The following TRA2B variants were observed in gnomAD, a reference collection of about 807,000 sequenced individuals.
The protein encoded by TRA2B is transformer 2 beta homolog.
TRA2B carries 14 observed loss-of-function variants against 41.7 expected under a neutral mutation model. The observed-to-expected ratio is 0.34, with a 90% CI of 0.22 to 0.53. The LOEUF (loss-of-function observed/expected upper bound fraction) is 0.53, where lower values mean the gene tolerates loss of function less well. Ranked by LOEUF, TRA2B falls within the 20% of genes least tolerant of loss-of-function variation. TRA2B has a pLI of 0.95. For missense variants in TRA2B, 167 were observed against 396.8 expected (o/e 0.42, Z 4.92); for synonymous variants, 130 against 128.8 (o/e 1.01, Z -0.06).
chr3:185,928,114 G>A (rs1386824190), intron 1 of TRA2B: 1 of 152,186 alleles, frequency 6.6e-6, no homozygotes, highest in Non-Finnish European at 1.5e-5. Context: ...CTAAATTACA[G>A]CTCAAAACAC....
chr3:185,934,712 T>TA (rs781586844), intron 1 of TRA2B: 41 of 985,090 alleles, frequency 4.2e-5, no homozygotes, highest in Non-Finnish European at 4.5e-5. Context: ...GTTTAGGAGC[T>TA]AAAACCAAGG....
intron 1 of TRA2B, chr3:185,936,255 A>C: frequency 1.0e-6 from 1 of 985,412 alleles, no homozygotes; most frequent in Non-Finnish European, 1.2e-6. Flanking sequence ...TCCAAACACC[A>C]ATGACTGTTA....
At position 185,916,671 on chromosome 3, in the gene TRA2B, T is replaced by G. The variant is rs766758300; in HGVS notation, c.*1044A>C. 6.6e-6 allele frequency: 1 copy of G among 152,530 alleles called. No homozygotes were observed. Among genetic ancestry groups the G allele is most frequent in the Non-Finnish European group, 1.5e-5 (1 of 68,004 alleles). The allele number at this position is 152,530 out of a possible 1,614,324, so 9.4% of individuals were successfully genotyped here. A position where few individuals can be genotyped will look rare whatever the true frequency, so the allele number is the denominator to read the frequency against. On this transcript the variant is annotated 3_prime_UTR_variant, in exon 9 of 9. Coordinates refer to ENST00000453386, the MANE Select transcript of TRA2B (RefSeq NM_004593.3). The stretch of plus-strand genomic sequence containing the variant: ...CCTCAGCCCAAGGAACACACTGCCC[T>G]AACGATTAAACTACAGAAGAACTCT...
At chr3:185,930,155 C>T (rs965884010) in intron 1 of TRA2B, among the ~76,000 whole-genome samples, 1 of 152,198 alleles carries the variant, frequency 6.6e-6, no homozygotes, top group Non-Finnish European at 1.5e-5. Flanking sequence ...TTCCAAATTG[C>T]TTTCTTTCCT....
chr3:185,926,629 A>G lies in TRA2B; in HGVS notation c.142T>C (p.Ser48Pro). 6.2e-7 allele frequency: 1 copy of G among 1,614,156 alleles called. No individual in the cohort carries two copies. The highest frequency in any genetic ancestry group is 8.5e-7 in the Non-Finnish European group (1 of 1,179,998). The part of the protein sequence containing the change: ...RSKEDSRRSR[S>P]KSRSRSESRS... Reference sequence around the variant, plus strand: ...GATTCAGATCGGGACCTGGACTTTGATCTGGAACGCCTGGAATCTTCCTTG... The same window carrying G: ...GATTCAGATCGGGACCTGGACTTTGGTCTGGAACGCCTGGAATCTTCCTTG... The change falls in exon 2 of 9, where the codon TCA becomes CCA. Residue 48 changes from serine (S) to proline (P), a missense_variant. Around this residue, in one of 5 missense-constraint regions of TRA2B, gnomAD observed 94 missense variants for 133.4 expected, o/e 0.70. Coordinates refer to ENST00000453386, the MANE Select transcript of TRA2B (RefSeq NM_004593.3).
At chr3:185,932,064 G>C (rs1291793926) in intron 1 of TRA2B, among the ~76,000 whole-genome samples, 4 of 151,950 alleles carry the variant, frequency 2.6e-5, no homozygotes, top group South Asian at 2.1e-4. Flanking sequence ...ACTCCAAATA[G>C]ACTTATCATG....
At chr3:185,936,298 C>G in intron 1 of TRA2B, 1 of 985,306 alleles carries the variant, frequency 1.0e-6, no homozygotes, top group Non-Finnish European at 1.2e-6. Context: ...TCAGAAGTCA[C>G]GACTTTTTAA....
intron 1 of TRA2B, chr3:185,927,908 G>C (rs1022325835): frequency 2.6e-5 from 4 of 152,222 alleles, no homozygotes; most frequent in African/African-American, 9.6e-5. Context: ...ATCAAACTTA[G>C]ACAAAGTAAA....
intron 6 of TRA2B, among the ~76,000 whole-genome samples, chr3:185,920,084 CTA>C (rs901174722): frequency 6.6e-6 from 1 of 152,124 alleles, no homozygotes; most frequent in African/African-American, 2.4e-5. Context: ...TATTTTTAAA[CTA>C]TGATTGACAT....
chr3:185,919,913 T>C (rs1043563159), intron 6 of TRA2B, among the ~76,000 whole-genome samples: 3 of 152,180 alleles, frequency 2.0e-5, no homozygotes, highest in Non-Finnish European at 4.4e-5. Context: ...ATGCACAAAA[T>C]AGACATCCAT....
chr3:185,935,290 CCTG>C (rs1467275725), intron 1 of TRA2B: 1 of 985,222 alleles, frequency 1.0e-6, no homozygotes, highest in Admixed American at 6.2e-5. Flanking sequence ...TCAGGTTAAG[CCTG>C]CTAATTAGAC....
intron 8 of TRA2B, 56 bp from the exon 9 acceptor site, chr3:185,917,781 A>G: frequency 1.9e-6 from 3 of 1,564,380 alleles, no homozygotes; most frequent in Non-Finnish European, 2.6e-6. Context: ...TATCAAGTAT[A>G]CTTTAATGCC....
chr3:185,926,763 G>C, intron 1 of TRA2B, 29 bp from the exon 2 acceptor site: 1 of 1,611,746 alleles, frequency 6.2e-7, no homozygotes, highest in Non-Finnish European at 8.5e-7. Context: ...AGTTTAATTT[G>C]CACACTTTCT....
intron 1 of TRA2B, among the ~76,000 whole-genome samples, chr3:185,932,788 A>G (rs373646699): frequency 6.6e-6 from 1 of 152,056 alleles, no homozygotes; most frequent in African/African-American, 2.4e-5. Context: ...GTTATCCTAC[A>G]TTTCACTTTG....
intron 1 of TRA2B, 63 bp from the exon 2 acceptor site, chr3:185,926,797 C>G: frequency 6.3e-7 from 1 of 1,584,824 alleles, no homozygotes; most frequent in Admixed American, 1.8e-5. Context: ...AACAAATAAG[C>G]TGCTGTGAGA....
rs1458872514 is a variant in TRA2B, at chr3:185,915,465, G to T, written c.*2250C>A. ...TGCCCATGGCAGCAGTTACCTAGGG[G>T]TTACCTACGGGTAACTGCTGCCTCC... On this transcript the variant is annotated 3_prime_UTR_variant, in exon 9 of 9. Coordinates refer to ENST00000453386, the MANE Select transcript of TRA2B (RefSeq NM_004593.3). Among the ~76,000 whole-genome samples the T allele has an allele frequency of 6.6e-6, 1 of 152,052 alleles. No homozygotes were observed.
At chr3:185,929,411 C>T (rs181205460) in intron 1 of TRA2B, among the ~76,000 whole-genome samples, 34 of 152,274 alleles carry the variant, frequency 2.2e-4, no homozygotes, top group Non-Finnish European at 5.9e-5. Flanking sequence ...TCAGGGCTGA[C>T]ATGGTCAACA....
chr3:185,926,494 T>C, intron 2 of TRA2B, 107 bp downstream of exon 2: 1 of 1,452,056 alleles, frequency 6.9e-7, no homozygotes. Context: ...TACCAATATT[T>C]AATAGGCCAA....
chr3:185,926,572 C>G (rs755649274), intron 2 of TRA2B, 29 bp downstream of exon 2: 9 of 1,612,338 alleles, frequency 5.6e-6, no homozygotes, highest in Middle Eastern at 1.6e-4. Flanking sequence ...CTAAGAGTAA[C>G]GAGGAAATCT....
Sources: allele counts gnomAD v4.1 joint callset (sites outside exome capture counted in the v4.1 genomes callset), GRCh38; gene constraint gnomAD v4.1.1; regional missense constraint gnomAD v4.1.1; transcripts MANE v1.5; gene names NCBI Gene and HGNC (gene_info 2026-07-23, HGNC 2026-07-21).